ARB2A: variants seen among roughly 807,000 people sequenced by gnomAD.
ARB2A encodes cotranscriptional regulator ARB2A.
At chr5:93,972,756 C>T in the ARB2A span, among the ~76,000 whole-genome samples, 1 of 151,922 alleles carries the variant, frequency 6.6e-6, no homozygotes, top group African/African-American at 2.4e-5. Flanking sequence ...AAGAAAGAAC[C>T]AAATGGAACT....
At chr5:93,730,025 T>C in the ARB2A span, among the ~76,000 whole-genome samples, 2 of 152,304 alleles carry the variant, frequency 1.3e-5, no homozygotes, top group East Asian at 1.9e-4. Flanking sequence ...GGTGTATATA[T>C]GTGCACAGAG....
chr5:94,047,485 T>TC, the ARB2A span, among the ~76,000 whole-genome samples: 1 of 136,820 alleles, frequency 7.3e-6, no homozygotes, highest in African/African-American at 2.8e-5. Context: ...AGAGTGAGAC[T>TC]CCATCTCAAA....
the ARB2A span, among the ~76,000 whole-genome samples, chr5:93,970,402 A>T: frequency 6.6e-6 from 1 of 152,182 alleles, no homozygotes; most frequent in Non-Finnish European, 1.5e-5. Context: ...CAGACTAAGT[A>T]TCTGAATTAA....
the ARB2A span, among the ~76,000 whole-genome samples, chr5:93,963,950 CA>C: frequency 6.6e-6 from 1 of 151,208 alleles, no homozygotes; most frequent in African/African-American, 2.4e-5. Flanking sequence ...GTGCAAGATT[CA>C]AAAAAAGGTT....
At chr5:94,092,455 C>T in the ARB2A span, among the ~76,000 whole-genome samples, 1 of 152,188 alleles carries the variant, frequency 6.6e-6, no homozygotes, top group Non-Finnish European at 1.5e-5. Context: ...TCATGACTAT[C>T]TAGGACTAAC....
chr5:93,710,012 T>C, the ARB2A span, among the ~76,000 whole-genome samples: 6 of 152,234 alleles, frequency 3.9e-5, no homozygotes, highest in African/African-American at 1.4e-4. Flanking sequence ...TATTCTTAGC[T>C]TCAGAATCAA....
At chr5:93,792,099 T>C in the ARB2A span, among the ~76,000 whole-genome samples, 1 of 152,096 alleles carries the variant, frequency 6.6e-6, no homozygotes, top group Non-Finnish European at 1.5e-5. Flanking sequence ...ATCTATTATA[T>C]AAGAGACAAG....
the ARB2A span, among the ~76,000 whole-genome samples, chr5:93,813,690 T>C: frequency 1.3e-5 from 2 of 152,292 alleles, no homozygotes; most frequent in Non-Finnish European, 2.9e-5. Flanking sequence ...ATGCCCTCAC[T>C]AGAGCCTGGA....
the ARB2A span, among the ~76,000 whole-genome samples, chr5:93,767,713 G>C: frequency 6.6e-6 from 1 of 151,958 alleles, no homozygotes; most frequent in Non-Finnish European, 1.5e-5. Context: ...GAATGAATTA[G>C]GCCGGGCACG....
At chr5:93,898,830 C>T in the ARB2A span, among the ~76,000 whole-genome samples, 2 of 152,072 alleles carry the variant, frequency 1.3e-5, no homozygotes, top group Non-Finnish European at 2.9e-5. Flanking sequence ...ATAGCTAGCA[C>T]TTACTGATTG....
At chr5:94,029,741 C>A in the ARB2A span, among the ~76,000 whole-genome samples, 1 of 152,180 alleles carries the variant, frequency 6.6e-6, no homozygotes, top group Non-Finnish European at 1.5e-5. Flanking sequence ...TGGTACTGTG[C>A]AAATATTCTA....
chr5:94,067,984 AG>A, the ARB2A span, among the ~76,000 whole-genome samples: 1 of 152,310 alleles, frequency 6.6e-6, no homozygotes, highest in South Asian at 2.1e-4. Flanking sequence ...AAGACTTGTA[AG>A]GCCAGGCACA....
At chr5:93,680,087 T>C in the ARB2A span, among the ~76,000 whole-genome samples, 2 of 152,222 alleles carry the variant, frequency 1.3e-5, no homozygotes, top group East Asian at 3.9e-4. Flanking sequence ...GATTTAAAAA[T>C]TTCAGTCCTA....
At chr5:94,069,043 T>TAGAG in the ARB2A span, among the ~76,000 whole-genome samples, 1 of 137,526 alleles carries the variant, frequency 7.3e-6, no homozygotes, top group Admixed American at 7.2e-5. Flanking sequence ...CTTAAAAAGA[T>TAGAG]AGATAGATAG....
At chr5:93,739,334 T>C in the ARB2A span, 1 of 151,716 alleles carries the variant, frequency 6.6e-6, no homozygotes, top group Non-Finnish European at 1.5e-5. Context: ...AGGAAAAAAT[T>C]AAGAAGAATG....
chr5:93,634,303 G>A, the ARB2A span, among the ~76,000 whole-genome samples: 2 of 151,886 alleles, frequency 1.3e-5, no homozygotes, highest in African/African-American at 4.8e-5. Context: ...GGGAGGCTGA[G>A]GGGGGAGAAT....
the ARB2A span, among the ~76,000 whole-genome samples, chr5:93,679,766 A>G: frequency 2.0e-5 from 3 of 152,144 alleles, no homozygotes. Flanking sequence ...TTCAAAGAGA[A>G]AAACTTAATA....
chr5:93,936,025 G>T, the ARB2A span, among the ~76,000 whole-genome samples: 1 of 152,068 alleles, frequency 6.6e-6, no homozygotes, highest in Non-Finnish European at 1.5e-5. Context: ...AATAAAAAGT[G>T]AATAGACTTT....
the ARB2A span, among the ~76,000 whole-genome samples, chr5:93,879,514 A>T: frequency 1.3e-5 from 2 of 149,138 alleles, no homozygotes; most frequent in South Asian, 2.1e-4. Context: ...AAAGAGAGAA[A>T]ATAATTAAAA....
Sources: allele counts gnomAD v4.1 joint callset (sites outside exome capture counted in the v4.1 genomes callset), GRCh38; gene constraint gnomAD v4.1.1; transcripts MANE v1.5; gene names NCBI Gene and HGNC (gene_info 2026-07-23, HGNC 2026-07-21).